The following NALF1 variants were observed in gnomAD, a reference collection of about 807,000 sequenced individuals.
NALF1 encodes the protein family with sequence similarity 155 member A.
A neutral mutation model predicts 48.4 loss-of-function variants in NALF1; 3 were observed. The observed-to-expected ratio is 0.06, with a 90% confidence interval of 0.03 to 0.16. NALF1 has a LOEUF of 0.16. Among genes scored for constraint, NALF1 ranks in the 10% least tolerant of loss-of-function variants. The pLI, the probability that NALF1 is intolerant of heterozygous loss-of-function variation, is 1.00. For synonymous variants in NALF1, 262 were observed against 245.7 expected (o/e 1.07, Z -0.62); for missense variants, 526 against 571.5 (o/e 0.92, Z 0.81).
chr13:107,710,766 T>C (rs1013576177), intron 1 of NALF1, among the ~76,000 whole-genome samples: 15 of 78,178 alleles, frequency 1.9e-4, no homozygotes, highest in African/African-American at 5.8e-4. Context: ...CATATATGTA[T>C]ACACACATAT....
At chr13:107,730,970 T>C (rs969817422) in intron 1 of NALF1, among the ~76,000 whole-genome samples, 5 of 152,176 alleles carry the variant, frequency 3.3e-5, no homozygotes, top group African/African-American at 1.2e-4. Context: ...AGCATTACAC[T>C]CCATCTGGGT....
intron 2 of NALF1, among the ~76,000 whole-genome samples, chr13:107,187,610 G>A (rs752209763): frequency 7.9e-5 from 12 of 152,196 alleles, no homozygotes; most frequent in Non-Finnish European, 1.5e-4. Context: ...GTTTTATGGA[G>A]TGAACAACAC....
intron 1 of NALF1, among the ~76,000 whole-genome samples, chr13:107,385,246 C>G (rs1444707056): frequency 6.6e-6 from 1 of 152,078 alleles, no homozygotes; most frequent in Non-Finnish European, 1.5e-5. Context: ...ATAAAAACGT[C>G]TTCAATTGTC....
intron 1 of NALF1, among the ~76,000 whole-genome samples, chr13:107,366,355 G>A (rs1459157172): frequency 6.6e-6 from 1 of 152,082 alleles, no homozygotes; most frequent in African/African-American, 2.4e-5. Flanking sequence ...AATCACTTTG[G>A]CTTTATTCTA....
intron 2 of NALF1, among the ~76,000 whole-genome samples, chr13:107,172,410 T>C (rs577611352): frequency 6.6e-6 from 1 of 152,352 alleles, no homozygotes; most frequent in Admixed American, 6.5e-5. Context: ...TAAGCATTTA[T>C]TGCATGAATA....
At chr13:107,270,756 T>G (rs1050422181) in intron 1 of NALF1, among the ~76,000 whole-genome samples, 32 of 151,962 alleles carry the variant, frequency 2.1e-4, no homozygotes, top group Non-Finnish European at 3.8e-4. Flanking sequence ...GTTGGTGTGC[T>G]GCACCCATTA....
chr13:107,309,384 T>C (rs1372181275), intron 1 of NALF1, among the ~76,000 whole-genome samples: 2 of 152,250 alleles, frequency 1.3e-5, no homozygotes, highest in African/African-American at 4.8e-5. Context: ...ACCAAAACTA[T>C]TTCTGCTTCT....
intron 1 of NALF1, among the ~76,000 whole-genome samples, chr13:107,569,258 A>C (rs1877908051): frequency 6.6e-6 from 1 of 151,972 alleles, no homozygotes; most frequent in Admixed American, 6.6e-5. Context: ...TCACGAGGTC[A>C]GGAGATTGAG....
intron 1 of NALF1, among the ~76,000 whole-genome samples, chr13:107,503,815 A>C (rs976535222): frequency 6.6e-6 from 1 of 151,506 alleles, no homozygotes; most frequent in Non-Finnish European, 1.5e-5. Context: ...GCCTTAAAAA[A>C]AGAAGACCCT....
chr13:107,782,308 GC>G (rs1360357486), intron 1 of NALF1, among the ~76,000 whole-genome samples: 1 of 152,228 alleles, frequency 6.6e-6, no homozygotes, highest in East Asian at 1.9e-4. Flanking sequence ...GCCAGCCTCG[GC>G]CTCCGGAGGT....
chr13:107,737,590 G>A (rs538855097), intron 1 of NALF1, among the ~76,000 whole-genome samples: 21 of 152,006 alleles, frequency 1.4e-4, no homozygotes, highest in Non-Finnish European at 2.6e-4. Flanking sequence ...AAAATTGCTG[G>A]GGTTCCTGGA....
At chr13:107,805,312 A>G (rs562819093) in intron 1 of NALF1, among the ~76,000 whole-genome samples, 1 of 152,314 alleles carries the variant, frequency 6.6e-6, no homozygotes, top group South Asian at 2.1e-4. Context: ...TTGCATATAT[A>G]TCATCAATAA....
intron 2 of NALF1, among the ~76,000 whole-genome samples, chr13:107,181,738 G>T (rs912495291): frequency 4.0e-5 from 6 of 149,154 alleles, no homozygotes; most frequent in Non-Finnish European, 8.9e-5. Context: ...TAATTATTTT[G>T]CTTTAAATAT....
intron 1 of NALF1, among the ~76,000 whole-genome samples, chr13:107,857,862 C>T (rs1880476061): frequency 6.6e-6 from 1 of 152,060 alleles, no homozygotes; most frequent in South Asian, 2.1e-4. Flanking sequence ...TTGATGTTTC[C>T]CGTGGGTTTT....
chr13:107,429,065 G>A (rs189731025), intron 1 of NALF1, among the ~76,000 whole-genome samples: 30 of 152,282 alleles, frequency 2.0e-4, no homozygotes, highest in African/African-American at 7.0e-4. Context: ...GCTCACGCCT[G>A]TAATCCCAGC....
intron 2 of NALF1, among the ~76,000 whole-genome samples, chr13:107,193,304 C>T (rs890108488): frequency 3.9e-5 from 6 of 151,908 alleles, no homozygotes; most frequent in East Asian, 1.9e-4. Context: ...TTTCAGAGAC[C>T]GTTTTTTACT....
intron 1 of NALF1, among the ~76,000 whole-genome samples, chr13:107,313,747 T>C (rs558097015): frequency 6.6e-6 from 1 of 152,294 alleles, no homozygotes; most frequent in South Asian, 2.1e-4. Flanking sequence ...TCGTAAATTG[T>C]ATATTTAGTG....
At chr13:107,688,388 A>C (rs948863270) in intron 1 of NALF1, among the ~76,000 whole-genome samples, 3 of 152,230 alleles carry the variant, frequency 2.0e-5, no homozygotes, top group Non-Finnish European at 4.4e-5. Flanking sequence ...TACTCTGAGT[A>C]CTGACAAGCT....
At position 107,516,278 on chromosome 13, in the gene NALF1, G is replaced by A. The variant is rs147889799; in HGVS notation, c.916-305523C>T. On this transcript the variant is annotated intron_variant, in intron 1 of 2. Coordinates refer to ENST00000375915, the MANE Select transcript of NALF1 (RefSeq NM_001080396.3). ...GACGTGGAGAAAGAAAAAGCAGAAC[G>A]CAGAATAAAGGCCATATAAACTAAC... Among the ~76,000 whole-genome samples the A allele has an allele frequency of 3.5e-3, 535 of 152,190 alleles. 1 individual carries two copies. The highest frequency in any genetic ancestry group is 5.9e-3 in the Non-Finnish European group (403 of 68,002).
Sources: allele counts gnomAD v4.1 joint callset (sites outside exome capture counted in the v4.1 genomes callset), GRCh38; gene constraint gnomAD v4.1.1; transcripts MANE v1.5; gene names NCBI Gene and HGNC (gene_info 2026-07-23, HGNC 2026-07-21).